The following RUBCN variants were observed in gnomAD, a reference collection of about 807,000 sequenced individuals.
RUBCN encodes the protein run domain Beclin-1-interacting and cysteine-rich domain-containing protein.
A neutral mutation model predicts 113.2 loss-of-function variants in RUBCN; 74 were observed. The ratio of observed to expected loss-of-function variants is 0.65; its 90% CI spans 0.54 to 0.79. RUBCN has a LOEUF of 0.79. Among genes scored for constraint, RUBCN ranks in the 30% least tolerant of loss-of-function variants. The pLI, the probability that RUBCN is intolerant of heterozygous loss-of-function variation, is 0.00. For missense variants in RUBCN, 1,109 were observed against 1,251.7 expected, an observed-to-expected ratio of 0.89 and a Z score of 1.72; for synonymous variants, 480 against 490.0, an observed-to-expected ratio of 0.98 and a Z score of 0.27.
At chr3:197,703,825 C>A (rs2108913506) in intron 4 of RUBCN, among the ~76,000 whole-genome samples, 171 bp from the exon 5 acceptor site, 1 of 152,252 alleles carries the variant, frequency 6.6e-6, no homozygotes, top group East Asian at 1.9e-4. Flanking sequence ...ATGGCCAGGG[C>A]AAGAGGCTTC....
chr3:197,694,898 G>A (rs6583248), intron 9 of RUBCN, among the ~76,000 whole-genome samples: 116,616 of 152,162 alleles, frequency 0.77, 45,295 homozygotes, highest in East Asian at 0.95. Context: ...TAAGATAAAT[G>A]CTATGTCTCA....
chr3:197,708,719 T>C (rs546801915), intron 2 of RUBCN, among the ~76,000 whole-genome samples: 1 of 152,296 alleles, frequency 6.6e-6, no homozygotes, highest in South Asian at 2.1e-4. Flanking sequence ...TTACCAAGAA[T>C]CAGTTATTTT....
intron 18 of RUBCN, chr3:197,676,297 A>T (rs1486362335): frequency 7.0e-6 from 7 of 994,540 alleles, no homozygotes; most frequent in Non-Finnish European, 8.4e-6. Context: ...CTCGATTCCA[A>T]TCCAGAGCTC....
Position 197,736,829 on chromosome 3 carries a change from TCCGGGTGATGCGCTACAC to T in RUBCN, c.-128_-111del. ...GAGGAGGCACCTGCGGCCGGTGGGC[TCCGGGTGATGCGCTACAC>T]CCGGGCGGCGACAGCGGGAGGGACC... On this transcript the variant is annotated 5_prime_UTR_variant, in exon 1 of 20. Transcript: ENST00000296343. The T allele has an allele frequency of 1.4e-6, 2 of 1,419,922 alleles. No homozygotes were observed. Among genetic ancestry groups the T allele is most frequent in the Non-Finnish European group, 9.1e-7 (1 of 1,096,280 alleles). The allele number at this position is 1,419,922 out of a possible 1,614,324, so 88.0% of individuals were successfully genotyped here.
chr3:197,669,511 G>T lies in RUBCN; in HGVS notation c.*5507C>A, dbSNP rs1304015373. Among the ~76,000 whole-genome samples, 1 of 152,234 alleles carries T rather than the reference G, an allele frequency of 6.6e-6. No homozygotes were observed. The highest frequency in any genetic ancestry group is 2.4e-5 in the African/African-American group (1 of 41,474). On this transcript the variant is annotated 3_prime_UTR_variant, in exon 20 of 20. Coordinates refer to ENST00000296343, the MANE Select transcript of RUBCN (RefSeq NM_014687.4). ...TGAGGTTATGGGTTTCTGAATGAAT[G>T]TCAGGGAAGATGTACCCCTTTCATT...
chr3:197,714,063 G>A (rs1362248450), intron 2 of RUBCN, among the ~76,000 whole-genome samples: 4 of 151,882 alleles, frequency 2.6e-5, no homozygotes, highest in East Asian at 1.9e-4. Flanking sequence ...GCGACAGAGC[G>A]AGACTCTGTA....
Position 197,695,927 on chromosome 3 carries a change from CCTTCTGATGGT to C in RUBCN, c.1401_1411del (p.Pro468ThrfsTer9), listed in dbSNP as rs1722950547. On this transcript the variant is annotated frameshift_variant, in exon 9 of 20. Coordinates refer to ENST00000296343, the MANE Select transcript of RUBCN (RefSeq NM_014687.4). LOFTEE classifies it high-confidence loss of function. ...AGAGAGGTAGCTGATGAGGGACTGT[CCTTCTGATGGT>C]CTTCGGAACATGCCTTCCCCTGAGC... 1.2e-6 allele frequency: 2 copies of C among 1,614,078 alleles called. No homozygotes were observed.
In RUBCN at chr3:197,703,703, T is replaced by C. The variant is rs754630874; in HGVS notation, c.464-49A>G. The C allele has an allele frequency of 2.3e-5, 28 of 1,201,704 alleles. No homozygotes were observed. The Admixed American group carries it at 3.6e-4, about 15-fold the overall frequency. The allele number at this position is 1,201,704 out of a possible 1,614,324, so 74.4% of individuals were successfully genotyped here. On this transcript the variant is annotated intron_variant, in intron 4 of 19. Transcript: ENST00000296343. ...GTGATAGAGCCCATCAGGGAGGCCT[T>C]GAGAGAAGCTTGAGGAAGCAGAAAG...
intron 1 of RUBCN, among the ~76,000 whole-genome samples, chr3:197,722,032 A>G (rs1461768041): frequency 1.3e-5 from 2 of 152,082 alleles, no homozygotes; most frequent in African/African-American, 4.8e-5. Context: ...TGAGGTCAGG[A>G]GGTCAAGACC....
At chr3:197,743,876 T>C (rs924658305) in intron 1 of RUBCN, among the ~76,000 whole-genome samples, 2 of 151,810 alleles carry the variant, frequency 1.3e-5, no homozygotes, top group African/African-American at 4.8e-5. Flanking sequence ...CCCAGCTACT[T>C]GGGAGGCTGA....
At chr3:197,677,122 C>T in intron 17 of RUBCN, 84 bp from the exon 18 acceptor site, 1 of 1,445,372 alleles carries the variant, frequency 6.9e-7, no homozygotes, top group Non-Finnish European at 9.7e-7. Context: ...CCAGAAACTG[C>T]AGAAAGTAAT....
intron 1 of RUBCN, among the ~76,000 whole-genome samples, chr3:197,724,064 T>A (rs1004252404): frequency 6.6e-6 from 1 of 152,158 alleles, no homozygotes; most frequent in South Asian, 2.1e-4. Context: ...AACCCATCCC[T>A]ACATAAATCA....
rs939650287 is a variant in RUBCN, at chr3:197,671,521, G to C, written c.*3497C>G. The C allele has an allele frequency of 6.6e-6, 1 of 152,236 alleles. No individual in the cohort carries two copies. Among genetic ancestry groups the C allele is most frequent in the African/African-American group, 2.4e-5 (1 of 41,456 alleles). The allele number at this position is 152,236 out of a possible 1,614,324, so 9.4% of individuals were successfully genotyped here. On this transcript the variant is annotated 3_prime_UTR_variant, in exon 20 of 20. Coordinates refer to ENST00000296343, the MANE Select transcript of RUBCN (RefSeq NM_014687.4). ...CAGTGTGCCACTTACAGAGGAAGTTGAAGACAATTAATTTTCAAACCTGGG... is the reference window on the plus strand; with the variant it reads ...CAGTGTGCCACTTACAGAGGAAGTTCAAGACAATTAATTTTCAAACCTGGG...
intron 11 of RUBCN, among the ~76,000 whole-genome samples, chr3:197,689,332 T>C (rs779439272): frequency 6.6e-6 from 1 of 152,186 alleles, no homozygotes; most frequent in Non-Finnish European, 1.5e-5. Context: ...ATGCCCAGCC[T>C]AAAAAGCAGC....
chr3:197,741,145 C>T (rs1458843291), upstream of RUBCN, among the ~76,000 whole-genome samples: 1 of 152,146 alleles, frequency 6.6e-6, no homozygotes, highest in East Asian at 1.9e-4. Context: ...AAAAAATAGT[C>T]AATGATCTTA....
In RUBCN at chr3:197,683,563, G is replaced by T; in HGVS notation, c.1848-124C>A. 9.5e-7 allele frequency: 1 copy of T among 1,050,678 alleles called. No homozygotes were observed. Among genetic ancestry groups the T allele is most frequent in the Non-Finnish European group, 1.4e-6 (1 of 695,546 alleles). The allele number at this position is 1,050,678 out of a possible 1,614,324, so 65.1% of individuals were successfully genotyped here. On this transcript the variant is annotated intron_variant, in intron 12 of 19. Coordinates refer to ENST00000296343, the MANE Select transcript of RUBCN (RefSeq NM_014687.4). The surrounding 1 kb of genome is among the most constrained non-coding windows in gnomAD (Gnocchi z 4.6). Reference sequence around the variant, plus strand: ...CTGGAAGAACACCCGCAGCACCCTGGCCTGCTCATCACCCTCACACATGGG... The same window carrying T: ...CTGGAAGAACACCCGCAGCACCCTGTCCTGCTCATCACCCTCACACATGGG...
At chr3:197,733,393 G>C (rs1014764626) in intron 1 of RUBCN, among the ~76,000 whole-genome samples, 1 of 152,166 alleles carries the variant, frequency 6.6e-6, no homozygotes, top group Admixed American at 6.5e-5. Flanking sequence ...GAGGTGGGAA[G>C]ATCACCTGAG....
intron 4 of RUBCN, 65 bp downstream of exon 4, chr3:197,704,477 A>C: frequency 2.1e-6 from 3 of 1,445,460 alleles, no homozygotes; most frequent in Non-Finnish European, 1.9e-6. Flanking sequence ...CCAGAGGGGT[A>C]GAGGATAGTG....
Position 197,696,967 on chromosome 3 carries a change from C to G in RUBCN, c.1344G>C (p.Leu448=), listed in dbSNP as rs369267822. ...CCTAGTACTCACCATATTCCATGTA[C>G]AGAGAGCTGGGTGTGCTGACTTCAC... ...QSSEVSTPSS[L]YMEYEGGRYL... The change falls in exon 8 of 20, where the codon CTG becomes CTC. Residue 448 remains leucine, a synonymous_variant. Transcript: ENST00000296343. 2 of 1,593,924 alleles carry G rather than the reference C, an allele frequency of 1.3e-6. No individual in the cohort carries two copies. The highest frequency in any genetic ancestry group is 2.2e-5 in the East Asian group (1 of 44,788).
Sources: gnomAD v4.1 joint callset for allele counts (sites outside exome capture counted in the v4.1 genomes callset) on GRCh38, gnomAD v4.1.1 for gene constraint, Gnocchi (gnomAD v3.1) non-coding constraint, MANE v1.5 for transcripts, NCBI Gene and HGNC (gene_info 2026-07-23, HGNC 2026-07-21) for gene names.